MAST4: variants seen among roughly 807,000 people sequenced by gnomAD.
MAST4 encodes microtubule-associated serine/threonine-protein kinase 4.
Under a neutral mutation model 162.7 loss-of-function variants are expected in MAST4, and 89 were observed. That is an observed-to-expected ratio of 0.55 (90% CI 0.46 to 0.65). The LOEUF (loss-of-function observed/expected upper bound fraction) is 0.65. MAST4 is among the 30% of genes least tolerant of loss of function. The pLI is 0.00. For missense variants in MAST4, 3,153 were observed against 3,374.0 expected, an observed-to-expected ratio of 0.93 and a Z score of 1.62; for synonymous variants, 1,479 against 1,361.1, an observed-to-expected ratio of 1.09 and a Z score of -1.91.
In MAST4 at chr5:67,098,454, G is replaced by A. The variant is rs541707904; in HGVS notation, c.913-1981G>A. ...TGTATCAGTAGGAAGACATTCTCCC[G>A]TATGTTTCTTACCAGATAAATTATT... is the stretch of plus-strand genomic sequence containing the variant. On this transcript the variant is annotated intron_variant, in intron 7 of 28. Transcript: ENST00000403625. 1.4e-3 allele frequency among the ~76,000 whole-genome samples: 220 copies of A among 152,120 alleles called. 1 individual carries two copies. Among genetic ancestry groups the A allele is most frequent in the African/African-American group, 4.1e-3 (172 of 41,492 alleles).
chr5:66,836,972 A>G (rs1245259348), intron 3 of MAST4, among the ~76,000 whole-genome samples: 1 of 151,288 alleles, frequency 6.6e-6, no homozygotes, highest in Admixed American at 6.6e-5. Flanking sequence ...TGCATCATAC[A>G]CAGATACATA....
intron 21 of MAST4, among the ~76,000 whole-genome samples, chr5:67,144,155 G>A (rs746419338): frequency 6.6e-6 from 1 of 152,072 alleles, no homozygotes; most frequent in Admixed American, 6.5e-5. Context: ...CTCTTATAAC[G>A]GAATATGTAC....
At chr5:66,722,902 T>C (rs547282830) in intron 1 of MAST4, among the ~76,000 whole-genome samples, 26 of 152,220 alleles carry the variant, frequency 1.7e-4, no homozygotes, top group Non-Finnish European at 2.4e-4. Context: ...CTGCCAGATA[T>C]GTAGTTGAAA....
At chr5:66,626,510 A>G (rs1254840920) in intron 1 of MAST4, among the ~76,000 whole-genome samples, 1 of 152,238 alleles carries the variant, frequency 6.6e-6, no homozygotes, top group Non-Finnish European at 1.5e-5. Context: ...TACAGCACCA[A>G]TAAGCAATTT....
intron 4 of MAST4, among the ~76,000 whole-genome samples, chr5:66,975,339 CTT>C (rs1748002331): frequency 6.6e-6 from 1 of 152,204 alleles, no homozygotes; most frequent in African/African-American, 2.4e-5. Flanking sequence ...ACTGCATTCT[CTT>C]GTTTTTCCTG....
intron 4 of MAST4, among the ~76,000 whole-genome samples, chr5:66,923,432 A>G (rs1255481495): frequency 6.6e-6 from 1 of 152,212 alleles, no homozygotes; most frequent in Admixed American, 6.5e-5. Context: ...AGCCTTCAAC[A>G]TGAAGGCTGA....
At chr5:66,847,822 A>AAAAAG (rs1758978065) in intron 3 of MAST4, among the ~76,000 whole-genome samples, 3 of 147,090 alleles carry the variant, frequency 2.0e-5, no homozygotes, top group Admixed American at 6.8e-5. Context: ...CTCCTTCTCA[A>AAAAAG]AAAAAAAAAA....
intron 4 of MAST4, among the ~76,000 whole-genome samples, chr5:66,911,567 C>A (rs1403935415): frequency 1.3e-5 from 1 of 76,872 alleles, no homozygotes; most frequent in Non-Finnish European, 2.9e-5. Context: ...AACCCCCCCC[C>A]CCCCCCCCGC....
At chr5:67,030,977 T>C (rs1457953230) in intron 4 of MAST4, among the ~76,000 whole-genome samples, 1 of 152,198 alleles carries the variant, frequency 6.6e-6, no homozygotes, top group East Asian at 1.9e-4. Context: ...TACTTTTGTT[T>C]AAAGTGTGGA....
chr5:66,934,688 A>G (rs760478102), intron 4 of MAST4, among the ~76,000 whole-genome samples: 1 of 151,886 alleles, frequency 6.6e-6, no homozygotes, highest in Non-Finnish European at 1.5e-5. Context: ...TAAGCTTTGC[A>G]TTTTTTGGTA....
At chr5:67,062,459 T>C (rs1759746715) in intron 5 of MAST4, among the ~76,000 whole-genome samples, 1 of 152,206 alleles carries the variant, frequency 6.6e-6, no homozygotes, top group Non-Finnish European at 1.5e-5. Context: ...GTTGTGTTTA[T>C]TTTGTGACTT....
chr5:66,795,225 A>G (rs2149686254), intron 3 of MAST4, among the ~76,000 whole-genome samples: 1 of 152,350 alleles, frequency 6.6e-6, no homozygotes. Context: ...ATGAATTAAC[A>G]TTTCTCTATT....
intron 24 of MAST4, among the ~76,000 whole-genome samples, chr5:67,151,496 A>G (rs1037135679): frequency 1.3e-5 from 2 of 152,182 alleles, no homozygotes; most frequent in African/African-American, 4.8e-5. Flanking sequence ...TCAACATAGG[A>G]ATTTTAGGGG....
At chr5:66,810,962 A>G (rs1756447091) in intron 3 of MAST4, among the ~76,000 whole-genome samples, 1 of 152,218 alleles carries the variant, frequency 6.6e-6, no homozygotes, top group Non-Finnish European at 1.5e-5. Context: ...GAATGACCAC[A>G]TCCTTTCCCT....
At chr5:66,845,892 G>T (rs1347734334) in intron 3 of MAST4, among the ~76,000 whole-genome samples, 2 of 151,980 alleles carry the variant, frequency 1.3e-5, no homozygotes, top group Non-Finnish European at 2.9e-5. Flanking sequence ...TTCTGTGCTG[G>T]GACTTCAAGG....
rs1350130530 is a variant in MAST4 at position 66,741,541 on chromosome 5, A to G, written c.364-18168A>G. ...AAAGAACGAGTGTGGCTGTGGTCCAATAAAATTTTATTTGGCACACAGGCT... is the reference window on the plus strand; with the variant it reads ...AAAGAACGAGTGTGGCTGTGGTCCAGTAAAATTTTATTTGGCACACAGGCT... On this transcript the variant is annotated intron_variant, in intron 1 of 28. Transcript: ENST00000403625. Among the ~76,000 whole-genome samples, 9 of 152,168 alleles carry G rather than the reference A, an allele frequency of 5.9e-5. No homozygotes were observed. The East Asian group carries it at 7.7e-4, about 13-fold the overall frequency.
At chr5:67,004,925 C>T (rs890207216) in intron 4 of MAST4, 103 of 701,168 alleles carry the variant, frequency 1.5e-4, no homozygotes, top group Non-Finnish European at 4.0e-5. Flanking sequence ...TGTCTTTCTT[C>T]CTTTTTTTTA....
chr5:67,166,697 G>A lies in MAST4; in HGVS notation c.7518G>A (p.Gln2506=), dbSNP rs761637708. ...GCAACAGGGACCATAGGAAGGCTCAGCCTGCCGGGGAGGGCCGAACCCACA... is the reference window on the plus strand; with the variant it reads ...GCAACAGGGACCATAGGAAGGCTCAACCTGCCGGGGAGGGCCGAACCCACA... ...APSNRDHRKA[Q]PAGEGRTHMT... The change falls in exon 29 of 29, where the codon CAG becomes CAA. Residue 2506 remains glutamine (Q), a synonymous_variant. Coordinates refer to ENST00000403625, the MANE Select transcript of MAST4 (RefSeq NM_001164664.2). 1.3e-6 allele frequency: 2 copies of A among 1,590,860 alleles called. No homozygotes were observed. The highest frequency in any genetic ancestry group is 1.7e-6 in the Non-Finnish European group (2 of 1,168,966).
At chr5:66,982,782 A>G (rs1749024285) in intron 4 of MAST4, among the ~76,000 whole-genome samples, 1 of 152,096 alleles carries the variant, frequency 6.6e-6, no homozygotes, top group African/African-American at 2.4e-5. Flanking sequence ...ATGTTACCTC[A>G]TATTTTCTCC....
Sources: gnomAD v4.1 joint callset for allele counts (sites outside exome capture counted in the v4.1 genomes callset) on GRCh38, gnomAD v4.1.1 for gene constraint, MANE v1.5 for transcripts, NCBI Gene and HGNC (gene_info 2026-07-23, HGNC 2026-07-21) for gene names.